Variants in DENND4C observed in about 807,000 individuals in gnomAD.
DENND4C encodes DENN domain containing 4C.
A neutral mutation model predicts 203.0 loss-of-function variants in DENND4C; 108 were observed. The ratio of observed to expected loss-of-function variants is 0.53; its 90% CI spans 0.46 to 0.62. DENND4C has a LOEUF of 0.62. Ranked by LOEUF, DENND4C falls within the 20% of genes least tolerant of loss-of-function variation. The pLI, the probability that DENND4C is intolerant of heterozygous loss-of-function variation, is 0.00. For missense variants in DENND4C, 2,481 were observed against 2,301.2 expected, an observed-to-expected ratio of 1.08 and a Z score of -1.60; for synonymous variants, 871 against 792.4, an observed-to-expected ratio of 1.10 and a Z score of -1.67.
At position 19,346,581 on chromosome 9, in the gene DENND4C, A is replaced by G. The variant is rs759127212; in HGVS notation, c.3812A>G (p.Lys1271Arg). 8 of 1,614,186 alleles carry G rather than the reference A, an allele frequency of 5.0e-6. No individual in the cohort carries two copies. The highest frequency in any genetic ancestry group is 1.6e-4 in the Middle Eastern group (1 of 6,062). The part of the protein sequence containing the change: ...TGGKTPDSED[K>R]LFSPVIARNL... ...GGAAAAACTCCTGATTCTGAAGATA[A>G]GTTGTTTTCTCCAGTTATTGCACGT... Residue 1271 changes from lysine to arginine, a missense_variant, in exon 23 of 33, where the codon AAG (lysine) becomes AGG (arginine). Physicochemically the swap from Lys to Arg is conservative, Grantham distance 26. Coordinates refer to ENST00000434457, the MANE Select transcript of DENND4C (RefSeq NM_001330640.2).
At position 19,319,381 on chromosome 9, in the gene DENND4C, C is replaced by CACACAT. The variant is rs1842459316; in HGVS notation, c.1807+2543_1807+2544insCACATA. Among the ~76,000 whole-genome samples, 22 of 135,280 alleles carry CACACAT rather than the reference C, an allele frequency of 1.6e-4. 1 individual carries two copies. The highest frequency in any genetic ancestry group is 5.7e-4 in the African/African-American group (19 of 33,552). 88.7% of individuals were successfully genotyped at this position (135,280 alleles called of 152,430 possible). A position where few individuals can be genotyped will look rare whatever the true frequency, so the allele number is the denominator to read the frequency against. On this transcript the variant is annotated intron_variant, in intron 12 of 32. Coordinates refer to ENST00000434457, the MANE Select transcript of DENND4C (RefSeq NM_001330640.2). ...ATATACACACATATATATACACATA[C>CACACAT]ATATATATATACATATATATATACA...
chr9:19,240,335 G>A (rs1823359869), intron 1 of DENND4C, among the ~76,000 whole-genome samples: 2 of 152,032 alleles, frequency 1.3e-5, no homozygotes, highest in Admixed American at 6.6e-5. Context: ...GAATATTTGT[G>A]TATCTAAACA....
intron 16 of DENND4C, among the ~76,000 whole-genome samples, chr9:19,331,047 ACT>A (rs558342200): frequency 4.5e-4 from 69 of 151,688 alleles, no homozygotes; most frequent in East Asian, 1.6e-3. Context: ...CAAAAGCAAG[ACT>A]CTGTCTTAAA....
intron 5 of DENND4C, among the ~76,000 whole-genome samples, chr9:19,294,132 G>A (rs1836932884): frequency 6.6e-6 from 1 of 152,008 alleles, no homozygotes. Flanking sequence ...TCAGGGGAGA[G>A]GTCAGGTAGA....
intron 1 of DENND4C, among the ~76,000 whole-genome samples, chr9:19,253,924 T>C (rs1827272351): frequency 6.6e-6 from 1 of 152,166 alleles, no homozygotes. Flanking sequence ...GTGGATTGCT[T>C]GAGCCCAGAA....
chr9:19,341,092 T>G lies in DENND4C; in HGVS notation c.2982T>G (p.Thr994=), dbSNP rs1341635903. 4 of 1,611,116 alleles carry G rather than the reference T, an allele frequency of 2.5e-6. No homozygotes were observed. Among genetic ancestry groups the G allele is most frequent in the Non-Finnish European group, 3.4e-6 (4 of 1,178,936 alleles). ...AACAGGCAGCAAGAGAATTGATAAC[T>G]AAAACAAAAATGCAAACAGAAGGTT... ...PEEQAARELI[T]KTKMQTEEVC... Residue 994 remains threonine (T), a synonymous_variant, in exon 21 of 33, where the codon ACT becomes ACG. Coordinates refer to ENST00000434457, the MANE Select transcript of DENND4C (RefSeq NM_001330640.2).
chr9:19,348,461 T>C (rs1028965149), intron 23 of DENND4C, among the ~76,000 whole-genome samples: 2 of 152,160 alleles, frequency 1.3e-5, no homozygotes, highest in Non-Finnish European at 2.9e-5. Flanking sequence ...GGGTTAAAGC[T>C]GTAAGAAGAG....
At chr9:19,324,305 C>G in intron 12 of DENND4C, 57 bp from the exon 13 acceptor site, 2 of 1,343,484 alleles carry the variant, frequency 1.5e-6, no homozygotes, top group Middle Eastern at 2.3e-4. Context: ...TTAATGTTTC[C>G]TATAATATCG....
chr9:19,256,058 C>G (rs982275734), intron 1 of DENND4C, among the ~76,000 whole-genome samples: 1 of 147,520 alleles, frequency 6.8e-6, no homozygotes, highest in East Asian at 2.0e-4. Context: ...GGCAACATAG[C>G]AAGACCCTGT....
chr9:19,253,024 C>G (rs1035348106), intron 1 of DENND4C, among the ~76,000 whole-genome samples: 7 of 152,208 alleles, frequency 4.6e-5, no homozygotes, highest in African/African-American at 1.7e-4. Flanking sequence ...AGGCGTGAGC[C>G]AGCATACCCA....
chr9:19,271,917 C>T (rs1392849719), intron 1 of DENND4C, among the ~76,000 whole-genome samples: 1 of 150,314 alleles, frequency 6.7e-6, no homozygotes, highest in African/African-American at 2.4e-5. Context: ...CAACAGCTTT[C>T]AAAGCTAAGG....
intron 26 of DENND4C, among the ~76,000 whole-genome samples, chr9:19,354,085 T>A (rs981147475): frequency 7.2e-5 from 11 of 152,184 alleles, no homozygotes; most frequent in Non-Finnish European, 1.5e-4. Flanking sequence ...CTCTGCTAAG[T>A]GTGATATATA....
intron 1 of DENND4C, among the ~76,000 whole-genome samples, chr9:19,274,590 C>T (rs923522926): frequency 9.9e-5 from 15 of 152,110 alleles, no homozygotes; most frequent in South Asian, 4.1e-4. Context: ...CCACCGTGCC[C>T]GGCCTGGATA....
chr9:19,347,570 A>C lies in DENND4C; in HGVS notation c.4317+484A>C, dbSNP rs188045580. ...AAAATATGTGAAGGATTATTAAGAC[A>C]GTTCTGGTAACTTTGGTTTTCATAT... On this transcript the variant is annotated intron_variant, in intron 23 of 32. Transcript: ENST00000434457. Among the ~76,000 whole-genome samples, 288 of 152,340 alleles carry C rather than the reference A, an allele frequency of 1.9e-3. 1 individual carries two copies. Among genetic ancestry groups the C allele is most frequent in the South Asian group, 0.011 (55 of 4,830 alleles).
chr9:19,351,955 G>A (rs1824241868), intron 24 of DENND4C, 118 bp from the exon 25 acceptor site: 1 of 716,606 alleles, frequency 1.4e-6, no homozygotes. Flanking sequence ...TTTATACTGA[G>A]CCACTTGAAA....
In DENND4C at chr9:19,324,157, A is replaced by G. The variant is rs140584441; in HGVS notation, c.1808-205A>G. ...CACATGCAAATATTTCAAAATCTTA[A>G]AAAAAAAAATCCGAAATCTGAAACA... On this transcript the variant is annotated intron_variant, in intron 12 of 32. Coordinates refer to ENST00000434457, the MANE Select transcript of DENND4C (RefSeq NM_001330640.2). 3.5e-3 allele frequency among the ~76,000 whole-genome samples: 529 copies of G among 149,424 alleles called. 2 individuals carry two copies. The highest frequency in any genetic ancestry group is 0.012 in the African/African-American group (509 of 41,178).
chr9:19,265,570 A>T (rs1830323404), intron 1 of DENND4C, among the ~76,000 whole-genome samples: 1 of 152,066 alleles, frequency 6.6e-6, no homozygotes, highest in Non-Finnish European at 1.5e-5. Context: ...CATCATTTAC[A>T]TTAGGTATAT....
In DENND4C at chr9:19,374,061, C is replaced by T. The variant is rs550181741; in HGVS notation, c.*1888C>T. 2.6e-5 allele frequency among the ~76,000 whole-genome samples: 4 copies of T among 152,240 alleles called. No homozygotes were observed. The South Asian group carries it at 6.2e-4, about 24-fold the overall frequency. On this transcript the variant is annotated 3_prime_UTR_variant, in exon 33 of 33. Transcript: ENST00000434457. ...TACTAGTTTTAATACTTAACACTTA[C>T]TGACCCAACAGAAGTTTGGAATTAC...
At chr9:19,338,199 CCAT>C (rs1318695102) in intron 20 of DENND4C, among the ~76,000 whole-genome samples, 20 of 152,076 alleles carry the variant, frequency 1.3e-4, no homozygotes, top group Non-Finnish European at 2.2e-4. Flanking sequence ...TTTAAAGCCA[CCAT>C]ATTTTATTTC....
Sources: allele counts gnomAD v4.1 joint callset (sites outside exome capture counted in the v4.1 genomes callset), GRCh38; gene constraint gnomAD v4.1.1; transcripts MANE v1.5; gene names NCBI Gene and HGNC (gene_info 2026-07-23, HGNC 2026-07-21).